Variants in CCL17 observed in about 807,000 individuals in gnomAD.
CCL17 encodes the protein C-C motif chemokine 17.
CCL17 carries 8 observed loss-of-function variants against 7.4 expected under a neutral mutation model. The observed-to-expected ratio is 1.09, with a 90% CI of 0.64 to 1.96. The LOEUF (loss-of-function observed/expected upper bound fraction) is 1.96. CCL17 is among the 30% of genes most tolerant of loss of function. The probability of loss-of-function intolerance (pLI) is 0.00; values close to 1 mark genes in which losing one functional copy is unlikely to be tolerated. For missense variants in CCL17, 102 were observed against 113.0 expected, an observed-to-expected ratio of 0.90 and a Z score of 0.44; for synonymous variants, 40 against 46.1, an observed-to-expected ratio of 0.87 and a Z score of 0.54.
upstream of CCL17, among the ~76,000 whole-genome samples, chr16:57,403,148 AAT>A (rs375412234): frequency 2.9e-3 from 260 of 90,402 alleles, 4 homozygotes; most frequent in African/African-American, 0.011. Flanking sequence ...TATTATCTAT[AAT>A]ATATATAATA....
At chr16:57,413,431 G>A (rs1902817150) in intron 1 of CCL17, among the ~76,000 whole-genome samples, 1 of 152,102 alleles carries the variant, frequency 6.6e-6, no homozygotes, top group Non-Finnish European at 1.5e-5. Context: ...CCGGCAGCCA[G>A]GGTGGCCCTG....
intron 1 of CCL17, among the ~76,000 whole-genome samples, chr16:57,411,187 C>T (rs1370980365): frequency 1.3e-5 from 2 of 152,198 alleles, no homozygotes; most frequent in African/African-American, 4.8e-5. Flanking sequence ...GTCTATGCCC[C>T]AAAGCCCTTT....
At chr16:57,412,874 C>T (rs1421415567) in intron 1 of CCL17, among the ~76,000 whole-genome samples, 1 of 152,222 alleles carries the variant, frequency 6.6e-6, no homozygotes, top group Admixed American at 6.5e-5. Flanking sequence ...ATGCTGTGGC[C>T]TGGGGCTGAG....
chr16:57,414,895 C>T (rs1902843941), intron 2 of CCL17, among the ~76,000 whole-genome samples, 186 bp from the exon 3 acceptor site: 1 of 152,060 alleles, frequency 6.6e-6, no homozygotes, highest in Admixed American at 6.6e-5. Flanking sequence ...AAGCCTCACA[C>T]ACACCTGTGT....
At position 57,413,820 on chromosome 16, in the gene CCL17, G is replaced by A. The variant is rs1171702176; in HGVS notation, c.-59-54G>A. 1.9e-5 allele frequency: 15 copies of A among 801,294 alleles called. No homozygotes were observed. The East Asian group carries it at 4.1e-4, about 22-fold the overall frequency. The allele number at this position is 801,294 out of a possible 1,614,324, so 49.6% of individuals were successfully genotyped here. ...ATGTGAGGAGGTGACAGAGGGGCGG[G>A]GCAAGACCCCCAAAGAGGTTAAATA... On this transcript the variant is annotated intron_variant, in intron 1 of 3. Coordinates refer to ENST00000219244, the MANE Select transcript of CCL17 (RefSeq NM_002987.3).
chr16:57,408,130 T>A (rs1902726404), intron 1 of CCL17, among the ~76,000 whole-genome samples: 1 of 151,948 alleles, frequency 6.6e-6, no homozygotes, highest in Non-Finnish European at 1.5e-5. Flanking sequence ...TATCCATCCA[T>A]TCATCTACCC....
At chr16:57,401,803 T>G (rs951686021), upstream of CCL17, among the ~76,000 whole-genome samples, 6 of 152,164 alleles carry the variant, frequency 3.9e-5, no homozygotes, top group Non-Finnish European at 8.8e-5. Context: ...TTACTTTCAA[T>G]CACTCTCCTG....
chr16:57,398,152 A>G, the CCL17 span, among the ~76,000 whole-genome samples: 22 of 152,274 alleles, frequency 1.4e-4, no homozygotes, highest in Admixed American at 2.0e-4. Context: ...TTCTTTTGGC[A>G]CCTAGTATGC....
chr16:57,414,700 A>G (rs1035084004), intron 2 of CCL17, among the ~76,000 whole-genome samples: 3 of 152,158 alleles, frequency 2.0e-5, no homozygotes, highest in Non-Finnish European at 2.9e-5. Context: ...CCCAGACTGA[A>G]AAAAGAGATT....
At chr16:57,397,429 T>G in the CCL17 span, among the ~76,000 whole-genome samples, 1 of 152,244 alleles carries the variant, frequency 6.6e-6, no homozygotes, top group African/African-American at 2.4e-5. Context: ...CAGGGAATAC[T>G]GGGGCTTAAT....
At chr16:57,405,672 GGAAGGAGGAGT>G (rs1276256992) in intron 1 of CCL17, among the ~76,000 whole-genome samples, 1 of 152,064 alleles carries the variant, frequency 6.6e-6, no homozygotes, top group Non-Finnish European at 1.5e-5. Context: ...AAGATGGGCC[GGAAGGAGGAGT>G]GTCCAGGTGG....
At chr16:57,410,974 C>T (rs1902775384) in intron 1 of CCL17, among the ~76,000 whole-genome samples, 1 of 152,186 alleles carries the variant, frequency 6.6e-6, no homozygotes, top group African/African-American at 2.4e-5. Flanking sequence ...TAGGCAGTGC[C>T]CCATGCCGGG....
chr16:57,413,651 T>C (rs748678932), intron 1 of CCL17, among the ~76,000 whole-genome samples: 1 of 152,174 alleles, frequency 6.6e-6, no homozygotes, highest in African/African-American at 2.4e-5. Flanking sequence ...AGGAGAAGTG[T>C]GTCACTGCCA....
intron 1 of CCL17, among the ~76,000 whole-genome samples, chr16:57,406,962 T>C (rs1204951710): frequency 1.3e-5 from 2 of 151,952 alleles, no homozygotes; most frequent in African/African-American, 2.4e-5. Flanking sequence ...AGAGGCTCAG[T>C]GAGAGCACCT....
rs1567565193 is a variant in CCL17 at position 57,415,811 on chromosome 16, AAG to A, written c.240_241del (p.Arg80SerfsTer6). On this transcript the variant is annotated frameshift_variant, in exon 4 of 4. Coordinates refer to ENST00000219244, the MANE Select transcript of CCL17 (RefSeq NM_002987.3). LOFTEE classifies it low-confidence loss of function (END_TRUNC). This position sits in a 1 kb window ranked among gnomAD's most constrained non-coding sequence, Gnocchi z 4.5. ...GRAICSDPNN[K>X]RVKNAVKYLQ... is the part of the protein sequence containing the mutation. ...GGCCATCTGTTCGGACCCCAACAAC[AAG>A]AGAGTGAAGAATGCAGTTAAATACC... 6.2e-7 allele frequency: 1 copy of A among 1,613,668 alleles called. No individual in the cohort carries two copies. The highest frequency in any genetic ancestry group is 1.7e-5 in the Admixed American group (1 of 60,026).
intron 2 of CCL17, 86 bp downstream of exon 2, chr16:57,414,088 T>C: frequency 9.8e-7 from 1 of 1,016,854 alleles, no homozygotes; most frequent in Admixed American, 2.2e-5. Flanking sequence ...ATACACACGT[T>C]TGTGTATTAT....
the CCL17 span, among the ~76,000 whole-genome samples, chr16:57,397,420 A>G: frequency 6.6e-6 from 1 of 152,242 alleles, no homozygotes; most frequent in Non-Finnish European, 1.5e-5. Flanking sequence ...TGTTTCAGTC[A>G]GGGAATACTG....
intron 1 of CCL17, among the ~76,000 whole-genome samples, chr16:57,410,803 A>G (rs1902771710): frequency 6.6e-6 from 1 of 152,126 alleles, no homozygotes; most frequent in Admixed American, 6.5e-5. Context: ...GGCCCTTTGC[A>G]TCCATCTCGC....
At chr16:57,409,329 C>G (rs542653152) in intron 1 of CCL17, among the ~76,000 whole-genome samples, 4 of 152,098 alleles carry the variant, frequency 2.6e-5, no homozygotes, top group African/African-American at 7.2e-5. Context: ...AGTAAAGGCC[C>G]GGCATTTTCA....
Sources: allele counts gnomAD v4.1 joint callset (sites outside exome capture counted in the v4.1 genomes callset), GRCh38; gene constraint gnomAD v4.1.1; non-coding constraint Gnocchi (gnomAD v3.1); transcripts MANE v1.5; gene names NCBI Gene and HGNC (gene_info 2026-07-23, HGNC 2026-07-21).